Variants in LRBA observed in about 807,000 individuals in gnomAD.
LRBA encodes lipopolysaccharide-responsive and beige-like anchor protein.
In LRBA, 176 loss-of-function variants were observed where a neutral mutation model predicts 330.0. That is an observed-to-expected ratio of 0.53 (90% confidence interval 0.47 to 0.60). The LOEUF (loss-of-function observed/expected upper bound fraction) is 0.60. Ranked by LOEUF, LRBA falls within the 20% of genes least tolerant of loss-of-function variation. The probability of loss-of-function intolerance (pLI) is 0.00; values close to 1 mark genes in which losing one functional copy is unlikely to be tolerated. For synonymous variants in LRBA, 1,230 were observed against 1,193.0 expected, an observed-to-expected ratio of 1.03 and a Z score of -0.64; for missense variants, 3,259 against 3,444.8, an observed-to-expected ratio of 0.95 and a Z score of 1.35.
At chr4:150,664,929 A>T (rs1231802792) in intron 37 of LRBA, among the ~76,000 whole-genome samples, 1 of 152,204 alleles carries the variant, frequency 6.6e-6, no homozygotes, top group African/African-American at 2.4e-5. Flanking sequence ...ACAAACACAT[A>T]CAATTATGTC....
At chr4:150,854,025 T>G (rs553970805) in intron 22 of LRBA, among the ~76,000 whole-genome samples, 61 of 152,210 alleles carry the variant, frequency 4.0e-4, no homozygotes, top group Admixed American at 3.1e-3. Context: ...TCAATAGGCC[T>G]TATTGAATCA....
chr4:150,442,468 G>T (rs186478656), intron 44 of LRBA, among the ~76,000 whole-genome samples: 10 of 152,302 alleles, frequency 6.6e-5, no homozygotes, highest in African/African-American at 2.4e-4. Flanking sequence ...TTACAACCCT[G>T]CTTAGGATCC....
chr4:150,280,005 T>TAAAG (rs942492705), intron 55 of LRBA, among the ~76,000 whole-genome samples: 1 of 152,208 alleles, frequency 6.6e-6, no homozygotes, highest in Admixed American at 6.5e-5. Flanking sequence ...TTTGTTCTAG[T>TAAAG]AAAGAATCTC....
At chr4:150,708,924 C>T (rs1271123451) in intron 36 of LRBA, among the ~76,000 whole-genome samples, 1 of 151,710 alleles carries the variant, frequency 6.6e-6, no homozygotes, top group Non-Finnish European at 1.5e-5. Flanking sequence ...GTCATAATCC[C>T]TTTCCTTTAA....
At chr4:150,780,992 G>A (rs1224179667) in intron 34 of LRBA, among the ~76,000 whole-genome samples, 1 of 152,044 alleles carries the variant, frequency 6.6e-6, no homozygotes, top group Non-Finnish European at 1.5e-5. Flanking sequence ...CCATTTTCCT[G>A]CCTCAGCCTC....
chr4:150,668,822 GAATATGAA>G (rs1373732479), intron 37 of LRBA, among the ~76,000 whole-genome samples: 2 of 152,132 alleles, frequency 1.3e-5, no homozygotes, highest in Non-Finnish European at 2.9e-5. Flanking sequence ...GAGGGAAATA[GAATATGAA>G]AATGCTTGGA....
intron 40 of LRBA, among the ~76,000 whole-genome samples, chr4:150,513,389 T>C (rs1176277923): frequency 6.6e-6 from 1 of 152,212 alleles, no homozygotes; most frequent in African/African-American, 2.4e-5. Flanking sequence ...GGCCAGATCT[T>C]ACTGCCCATT....
intron 48 of LRBA, among the ~76,000 whole-genome samples, chr4:150,344,675 T>C (rs1452998620): frequency 1.3e-5 from 2 of 152,142 alleles, no homozygotes; most frequent in African/African-American, 4.8e-5. Context: ...AATCCTCTCA[T>C]CTCAGCTAGG....
rs994113130 is a variant in LRBA at position 150,768,274 on chromosome 4, G to A, written c.5581-6427C>T. Among the ~76,000 whole-genome samples, 3 of 151,768 alleles carry A rather than the reference G, an allele frequency of 2.0e-5. No individual in the cohort carries two copies. In the East Asian group the frequency reaches 5.8e-4, roughly 29 times the overall value. ...ACAAAACTCTACACAACAAAGTAGA[G>A]GAATCAACATGAGGAAGGAAATCAA... On this transcript the variant is annotated intron_variant, in intron 34 of 56. Transcript: ENST00000651943.
At chr4:151,001,047 G>T (rs554017886) in intron 2 of LRBA, among the ~76,000 whole-genome samples, 2 of 152,126 alleles carry the variant, frequency 1.3e-5, no homozygotes, top group African/African-American at 4.8e-5. Flanking sequence ...TCTGGAAATG[G>T]TGCAACAGCA....
intron 34 of LRBA, among the ~76,000 whole-genome samples, chr4:150,786,803 A>G (rs1380528651): frequency 1.3e-5 from 2 of 152,240 alleles, no homozygotes; most frequent in Non-Finnish European, 2.9e-5. Flanking sequence ...CTGTATGTGT[A>G]TTAAACTTTT....
chr4:150,701,974 C>A (rs1285501178), intron 36 of LRBA, among the ~76,000 whole-genome samples: 1 of 152,094 alleles, frequency 6.6e-6, no homozygotes, highest in Non-Finnish European at 1.5e-5. Context: ...CATCCTTCTT[C>A]TCACTAAGGG....
At chr4:150,344,082 C>T (rs1735944907) in intron 48 of LRBA, among the ~76,000 whole-genome samples, 1 of 152,138 alleles carries the variant, frequency 6.6e-6, no homozygotes, top group Non-Finnish European at 1.5e-5. Context: ...ACTTTCTCTC[C>T]TGCATGTCTG....
chr4:150,584,118 G>C, intron 40 of LRBA: 3 of 1,512,982 alleles, frequency 2.0e-6, no homozygotes, highest in Non-Finnish European at 2.7e-6. Context: ...AGGGTGCTGG[G>C]GACTGCTTGA....
chr4:150,443,348 G>A (rs760362160), intron 44 of LRBA, among the ~76,000 whole-genome samples: 3 of 152,098 alleles, frequency 2.0e-5, no homozygotes, highest in Non-Finnish European at 4.4e-5. Flanking sequence ...CCATTACTGG[G>A]TATATACCCA....
chr4:150,926,624 CA>C (rs1251769125), intron 4 of LRBA, among the ~76,000 whole-genome samples: 7 of 151,686 alleles, frequency 4.6e-5, no homozygotes, highest in Admixed American at 6.6e-5. Context: ...CATAAAGGAG[CA>C]AAATCAATGA....
intron 36 of LRBA, among the ~76,000 whole-genome samples, chr4:150,691,384 T>C (rs1204186341): frequency 6.6e-6 from 1 of 152,166 alleles, no homozygotes; most frequent in Non-Finnish European, 1.5e-5. Context: ...TAATTAAAAA[T>C]AATTAGCACA....
Position 150,350,130 on chromosome 4 carries a change from C to A in LRBA, c.7224G>T (p.Gln2408His). 1 of 1,592,864 alleles carries A rather than the reference C, an allele frequency of 6.3e-7. No homozygotes were observed. Among genetic ancestry groups the A allele is most frequent in the Non-Finnish European group, 8.5e-7 (1 of 1,172,222 alleles). Reference sequence around the variant, plus strand: ...AAATGAGATCAATCCATTGGTGAAGCTGGCAGGAAACAAATTCACTCTCCA... The same window carrying A: ...AAATGAGATCAATCCATTGGTGAAGATGGCAGGAAACAAATTCACTCTCCA... ...LALESEFVSC[Q>H]LHQWIDLIFG... The change falls in exon 48 of 57, where the codon CAG becomes CAT. Residue 2408 changes from glutamine to histidine, a missense_variant. By Grantham distance (24) the Gln-to-His change is conservative. Transcript: ENST00000651943.
At chr4:150,323,843 G>A (rs971613378) in intron 49 of LRBA, among the ~76,000 whole-genome samples, 4 of 152,228 alleles carry the variant, frequency 2.6e-5, no homozygotes, top group Non-Finnish European at 5.9e-5. Context: ...ACAGGGATAA[G>A]AGAAACAAAG....
Sources: allele counts gnomAD v4.1 joint callset (sites outside exome capture counted in the v4.1 genomes callset), GRCh38; gene constraint gnomAD v4.1.1; transcripts MANE v1.5; gene names NCBI Gene and HGNC (gene_info 2026-07-23, HGNC 2026-07-21).